Variants in GALNTL6 observed in about 807,000 individuals in gnomAD.
GALNTL6 encodes the protein polypeptide N-acetylgalactosaminyltransferase-like 6.
Under a neutral mutation model 73.7 loss-of-function variants are expected in GALNTL6, and 46 were observed. The ratio of observed to expected loss-of-function variants is 0.62; its 90% CI spans 0.49 to 0.80. GALNTL6 has a LOEUF of 0.80. Among genes scored for constraint, GALNTL6 ranks in the 30% least tolerant of loss-of-function variants. GALNTL6 has a pLI of 0.00. For missense variants in GALNTL6, 604 were observed against 755.0 expected (o/e 0.80, Z 2.34); for synonymous variants, 259 against 263.7 (o/e 0.98, Z 0.17).
intron 8 of GALNTL6, among the ~76,000 whole-genome samples, chr4:172,903,408 T>C (rs1746726903): frequency 6.6e-6 from 1 of 152,162 alleles, no homozygotes. Flanking sequence ...TGTAAGTCCA[T>C]ATAACATGCA....
chr4:172,484,311 G>A (rs1032353336), intron 5 of GALNTL6, among the ~76,000 whole-genome samples: 4 of 152,120 alleles, frequency 2.6e-5, no homozygotes, highest in African/African-American at 9.7e-5. Flanking sequence ...ATATTCTGTG[G>A]TTGTGATCTG....
At chr4:171,887,969 A>G (rs1736650747) in intron 2 of GALNTL6, among the ~76,000 whole-genome samples, 1 of 152,284 alleles carries the variant, frequency 6.6e-6, no homozygotes, top group East Asian at 1.9e-4. Flanking sequence ...CTGGGGAAAT[A>G]GATCCACTAA....
At chr4:172,220,178 G>A (rs1736627193) in intron 2 of GALNTL6, among the ~76,000 whole-genome samples, 1 of 151,452 alleles carries the variant, frequency 6.6e-6, no homozygotes, top group African/African-American at 2.4e-5. Context: ...TTTTTTAATA[G>A]TACACCTGTA....
intron 2 of GALNTL6, among the ~76,000 whole-genome samples, chr4:171,838,298 T>C (rs1040097784): frequency 1.3e-5 from 2 of 151,860 alleles, no homozygotes; most frequent in Non-Finnish European, 2.9e-5. Flanking sequence ...TAAGTTTGAA[T>C]TTTTGGTAGA....
intron 2 of GALNTL6, among the ~76,000 whole-genome samples, chr4:172,033,332 A>T (rs965463): frequency 0.44 from 66,669 of 151,806 alleles, 15,125 homozygotes; most frequent in Admixed American, 0.54. Flanking sequence ...ATATCGTAGT[A>T]TTTTTTTCTA....
chr4:172,805,458 A>G (rs944359664), intron 5 of GALNTL6, among the ~76,000 whole-genome samples: 8 of 152,202 alleles, frequency 5.3e-5, no homozygotes, highest in African/African-American at 1.7e-4. Flanking sequence ...AAGCCCTGGC[A>G]AAAACTGCTA....
Position 171,968,732 on chromosome 4 carries a change from T to C in GALNTL6, c.138+154014T>C, listed in dbSNP as rs144570395. On this transcript the variant is annotated intron_variant, in intron 2 of 12. Coordinates refer to ENST00000506823, the MANE Select transcript of GALNTL6 (RefSeq NM_001034845.3). ...ATAAGAACTGCTTTGTTTATCCACC[T>C]TCCTGTCTTGCCAGTGTCCTCTCTC... Among the ~76,000 whole-genome samples, 69 of 152,226 alleles carry C rather than the reference T, an allele frequency of 4.5e-4. No homozygotes were observed. The East Asian group carries it at 8.5e-3, about 19-fold the overall frequency.
intron 10 of GALNTL6, among the ~76,000 whole-genome samples, chr4:172,978,820 G>C (rs1264606303): frequency 6.6e-6 from 1 of 152,140 alleles, no homozygotes; most frequent in Non-Finnish European, 1.5e-5. Flanking sequence ...ACTGTTCTCA[G>C]CTCCTCACAG....
At chr4:172,349,719 A>C (rs1260363905) in intron 5 of GALNTL6, among the ~76,000 whole-genome samples, 2 of 151,866 alleles carry the variant, frequency 1.3e-5, no homozygotes, top group African/African-American at 4.8e-5. Context: ...GACAGAAAGG[A>C]GGTTGTTTGA....
chr4:172,925,347 C>A (rs1247463415), intron 8 of GALNTL6, among the ~76,000 whole-genome samples: 6 of 152,066 alleles, frequency 3.9e-5, no homozygotes, highest in Non-Finnish European at 8.8e-5. Flanking sequence ...ATTTTAAGAA[C>A]CAGGATGAGG....
intron 7 of GALNTL6, among the ~76,000 whole-genome samples, chr4:172,818,748 G>A (rs1369514418): frequency 3.3e-5 from 5 of 152,090 alleles, no homozygotes; most frequent in Admixed American, 6.6e-5. Context: ...ACAGGAGCAC[G>A]CCACCATGCC....
At chr4:172,701,508 T>C (rs1413979692) in intron 5 of GALNTL6, among the ~76,000 whole-genome samples, 2 of 152,100 alleles carry the variant, frequency 1.3e-5, no homozygotes, top group Non-Finnish European at 2.9e-5. Context: ...ATCAAGGCAG[T>C]CTTCTGTCTT....
chr4:172,358,954 A>G (rs746422539), intron 5 of GALNTL6, among the ~76,000 whole-genome samples: 2 of 151,460 alleles, frequency 1.3e-5, no homozygotes, highest in Non-Finnish European at 2.9e-5. Context: ...TAGTTCAACT[A>G]TTGTGGAAAG....
chr4:172,028,690 CTT>C (rs1280952107), intron 2 of GALNTL6, among the ~76,000 whole-genome samples: 1 of 151,864 alleles, frequency 6.6e-6, no homozygotes, highest in African/African-American at 2.4e-5. Flanking sequence ...TCATGATTTT[CTT>C]TAAACAAAAG....
chr4:172,397,941 T>G (rs957957080), intron 5 of GALNTL6, among the ~76,000 whole-genome samples: 2 of 152,152 alleles, frequency 1.3e-5, no homozygotes, highest in Non-Finnish European at 2.9e-5. Context: ...CTAAAAGTCT[T>G]TCTTTTTTTT....
At chr4:172,222,055 A>T (rs1736694088) in intron 2 of GALNTL6, among the ~76,000 whole-genome samples, 1 of 151,850 alleles carries the variant, frequency 6.6e-6, no homozygotes, top group African/African-American at 2.4e-5. Context: ...AGAAGCAATA[A>T]TATAGGAGAA....
At chr4:172,616,319 C>T (rs983935582) in intron 5 of GALNTL6, among the ~76,000 whole-genome samples, 4 of 151,978 alleles carry the variant, frequency 2.6e-5, no homozygotes, top group African/African-American at 9.7e-5. Flanking sequence ...TTTTATAACA[C>T]CCCTTTTTTT....
intron 2 of GALNTL6, among the ~76,000 whole-genome samples, chr4:171,984,168 C>A (rs1739996528): frequency 6.6e-6 from 1 of 152,164 alleles, no homozygotes; most frequent in Admixed American, 6.5e-5. Flanking sequence ...GCTTGACTTC[C>A]CTGCCCTTGG....
At chr4:171,986,312 A>G (rs1359219367) in intron 2 of GALNTL6, among the ~76,000 whole-genome samples, 1 of 152,014 alleles carries the variant, frequency 6.6e-6, no homozygotes, top group Non-Finnish European at 1.5e-5. Context: ...GGGGGTCACA[A>G]GGTGCTCAGT....
Sources: allele counts gnomAD v4.1 joint callset (sites outside exome capture counted in the v4.1 genomes callset), GRCh38; gene constraint gnomAD v4.1.1; transcripts MANE v1.5; gene names NCBI Gene and HGNC (gene_info 2026-07-23, HGNC 2026-07-21).